The following ZMYND8 variants were observed in gnomAD, a reference collection of about 807,000 sequenced individuals.
ZMYND8 encodes zinc finger MYND-type containing 8, also known as MYND-type zinc finger-containing chromatin reader ZMYND8.
In ZMYND8, 37 loss-of-function variants were observed where a neutral mutation model predicts 140.8. The observed-to-expected ratio is 0.26, with a 90% CI of 0.20 to 0.35. ZMYND8 has a LOEUF of 0.35. ZMYND8 is among the 10% of genes least tolerant of loss of function. The pLI is 1.00. For synonymous variants in ZMYND8, 592 were observed against 597.1 expected (o/e 0.99, Z 0.12); for missense variants, 1,068 against 1,570.0 (o/e 0.68, Z 5.40).
At chr20:47,225,596 AGGAGGGGAT>A (rs2037596258) in intron 18 of ZMYND8, among the ~76,000 whole-genome samples, 153 of 4,672 alleles carry the variant, frequency 0.033, no homozygotes, top group Middle Eastern at 0.12. Context: ...AGGAAGGGGA[AGGAGGGGAT>A]GGGAGGGGAA....
In ZMYND8 at chr20:47,299,517, A is replaced by G. The variant is rs1038653915; in HGVS notation, c.235-570T>C. Among the ~76,000 whole-genome samples the G allele has an allele frequency of 5.3e-5, 8 of 152,358 alleles. No homozygotes were observed. In the South Asian group the frequency reaches 1.4e-3, roughly 28 times the overall value. On this transcript the variant is annotated intron_variant, in intron 3 of 22. Transcript: ENST00000471951. ...CCCTGGGATTCTTCAAATGGCAGAC[A>G]TTTAGAGAATAGATCAATAGGGTTT...
At chr20:47,234,840 A>G (rs540740922) in intron 16 of ZMYND8, among the ~76,000 whole-genome samples, 10 of 152,300 alleles carry the variant, frequency 6.6e-5, no homozygotes, top group Non-Finnish European at 8.8e-5. Flanking sequence ...TATTAAGACT[A>G]TAAGAATTTT....
intron 21 of ZMYND8, among the ~76,000 whole-genome samples, chr20:47,213,305 T>C (rs2035556020): frequency 6.6e-6 from 1 of 152,098 alleles, no homozygotes; most frequent in Non-Finnish European, 1.5e-5. Context: ...AACAGTGATA[T>C]GAAAGGAGTC....
chr20:47,222,046 A>G (rs138899354), intron 19 of ZMYND8, among the ~76,000 whole-genome samples: 49 of 152,314 alleles, frequency 3.2e-4, no homozygotes, highest in African/African-American at 8.2e-4. Flanking sequence ...TGGAACAAAT[A>G]AAGCCCATCA....
intron 17 of ZMYND8, among the ~76,000 whole-genome samples, 178 bp downstream of exon 17, chr20:47,229,548 C>T (rs1254803996): frequency 1.3e-5 from 2 of 152,108 alleles, no homozygotes; most frequent in African/African-American, 4.8e-5. Flanking sequence ...TCTCCACAGC[C>T]CCAGCCGTCT....
chr20:47,345,755 C>T (rs1287297508), intron 2 of ZMYND8, among the ~76,000 whole-genome samples: 3 of 151,668 alleles, frequency 2.0e-5, no homozygotes, highest in East Asian at 3.9e-4. Flanking sequence ...ACAATCCACC[C>T]GCCTCGCCCT....
rs10536216 is a variant in ZMYND8, at chr20:47,216,495, C to CAAAAAAAA, written c.3484+3755_3484+3762dup. Among the ~76,000 whole-genome samples the CAAAAAAAA allele has an allele frequency of 2.6e-3, 152 of 59,436 alleles. 3 individuals are homozygous for CAAAAAAAA. Among genetic ancestry groups the CAAAAAAAA allele is most frequent in the African/African-American group, 7.7e-3 (126 of 16,350 alleles). 39.0% of individuals were successfully genotyped at this position (59,436 alleles called of 152,430 possible). ...GGACAACAGAGCGAAGACTCTGTCT[C>CAAAAAAAA]AAAAAAAAAAAAAAAAAAAAAAAGG... On this transcript the variant is annotated intron_variant, in intron 21 of 22. Coordinates refer to ENST00000471951, the MANE Select transcript of ZMYND8 (RefSeq NM_001281775.3).
chr20:47,220,138 G>A, intron 21 of ZMYND8, 120 bp downstream of exon 21: 1 of 726,872 alleles, frequency 1.4e-6, no homozygotes. Flanking sequence ...GCACCCCTAA[G>A]GATCCATAAT....
At chr20:47,255,161 C>A (rs1250188654) in intron 12 of ZMYND8, among the ~76,000 whole-genome samples, 1 of 151,968 alleles carries the variant, frequency 6.6e-6, no homozygotes, top group Admixed American at 6.6e-5. Context: ...CCAGACACTG[C>A]CAAATGTCAC....
chr20:47,348,079 A>T (rs765188729), intron 1 of ZMYND8, 153 bp from the exon 2 acceptor site: 5 of 746,904 alleles, frequency 6.7e-6, no homozygotes, highest in African/African-American at 3.5e-5. Flanking sequence ...TGATTTCAAC[A>T]AAGTGTGAAG....
intron 7 of ZMYND8, among the ~76,000 whole-genome samples, chr20:47,287,968 C>T (rs1414819290): frequency 6.6e-6 from 1 of 152,196 alleles, no homozygotes; most frequent in Non-Finnish European, 1.5e-5. Flanking sequence ...GGAGTCACCA[C>T]TTACATTACT....
intron 1 of ZMYND8, chr20:47,355,554 C>G: frequency 2.1e-6 from 2 of 952,342 alleles, no homozygotes; most frequent in Non-Finnish European, 1.3e-6. Flanking sequence ...TAAACAGTTA[C>G]ATGGTATTAT....
intron 2 of ZMYND8, among the ~76,000 whole-genome samples, chr20:47,339,917 C>T (rs2081703392): frequency 6.6e-6 from 1 of 151,870 alleles, no homozygotes. Context: ...AAGACAGAAC[C>T]AGGAAATCTG....
At chr20:47,324,470 G>T (rs2080246645) in intron 2 of ZMYND8, among the ~76,000 whole-genome samples, 1 of 152,116 alleles carries the variant, frequency 6.6e-6, no homozygotes, top group African/African-American at 2.4e-5. Flanking sequence ...AGTGAGCCGA[G>T]ATCGAGCCAC....
In ZMYND8 at chr20:47,265,384, C is replaced by T. The variant is rs185354322; in HGVS notation, c.1481-2956G>A. On this transcript the variant is annotated intron_variant, in intron 11 of 22. Coordinates refer to ENST00000471951, the MANE Select transcript of ZMYND8 (RefSeq NM_001281775.3). ...AAAAACACGCAAAGATGCTGTTGCA[C>T]GTAGAACACAGCCAAGTGAATCCAT... 4.6e-3 allele frequency among the ~76,000 whole-genome samples: 703 copies of T among 152,208 alleles called. 4 individuals are homozygous for T. The highest frequency in any genetic ancestry group is 0.016 in the African/African-American group (670 of 41,526).
chr20:47,336,182 T>C (rs1382990601), intron 2 of ZMYND8, among the ~76,000 whole-genome samples: 2 of 152,194 alleles, frequency 1.3e-5, no homozygotes, highest in African/African-American at 4.8e-5. Flanking sequence ...TTAATTTACA[T>C]ACAACAGTGA....
chr20:47,329,838 C>T (rs2080784407), intron 2 of ZMYND8, among the ~76,000 whole-genome samples: 1 of 152,258 alleles, frequency 6.6e-6, no homozygotes, highest in South Asian at 2.1e-4. Flanking sequence ...TCCACCCATC[C>T]CAATTTGCCT....
rs182339894 is a variant in ZMYND8 at position 47,222,721 on chromosome 20, A to G, written c.3257-1247T>C. Among the ~76,000 whole-genome samples the G allele has an allele frequency of 9.8e-5, 15 of 152,376 alleles. No individual in the cohort carries two copies. The East Asian group carries it at 1.7e-3, about 18-fold the overall frequency. On this transcript the variant is annotated intron_variant, in intron 19 of 22. Coordinates refer to ENST00000471951, the MANE Select transcript of ZMYND8 (RefSeq NM_001281775.3). ...AGAGACTTTACTCCAGTAAGAGACCAAAAGTCTCTACAAAGAAGACATCTC... is the reference window on the plus strand; with the variant it reads ...AGAGACTTTACTCCAGTAAGAGACCGAAAGTCTCTACAAAGAAGACATCTC...
intron 4 of ZMYND8, among the ~76,000 whole-genome samples, chr20:47,296,327 T>G (rs2077633879): frequency 6.6e-6 from 1 of 152,202 alleles, no homozygotes; most frequent in East Asian, 1.9e-4. Flanking sequence ...ATATGCAATT[T>G]TCAAGGCTTT....
Sources: allele counts gnomAD v4.1 joint callset (sites outside exome capture counted in the v4.1 genomes callset), GRCh38; gene constraint gnomAD v4.1.1; transcripts MANE v1.5; gene names NCBI Gene and HGNC (gene_info 2026-07-23, HGNC 2026-07-21).